The following ANXA4 variants were observed in gnomAD, a reference collection of about 807,000 sequenced individuals.
ANXA4 encodes the protein 35-beta calcimedin.
Under a neutral mutation model 49.8 loss-of-function variants are expected in ANXA4, and 39 were observed. That is an observed-to-expected ratio of 0.78 (90% CI 0.61 to 1.02). ANXA4 has a LOEUF of 1.02. Ranked by LOEUF, ANXA4 falls within the 50% of genes least tolerant of loss-of-function variation. ANXA4 has a pLI of 0.00. For synonymous variants in ANXA4, 134 were observed against 152.5 expected (o/e 0.88, Z 0.89); for missense variants, 360 against 410.1 (o/e 0.88, Z 1.05).
rs1290545352 is a variant in ANXA4, at chr2:69,757,475, A to T, written c.-47+15300A>T. On this transcript the variant is annotated intron_variant, in intron 1 of 12. Transcript: ENST00000394295. ...TTTTTAGTAGAGACAGGGTTTCACC[A>T]TGTTAGCCAAGATGGTCTCGATCTC... 5.7e-5 allele frequency among the ~76,000 whole-genome samples: 8 copies of T among 140,544 alleles called. 1 individual carries two copies. The highest frequency in any genetic ancestry group is 3.6e-4 in the Admixed American group (5 of 14,030). The allele number at this position is 140,544 out of a possible 152,430, so 92.2% of individuals were successfully genotyped here. A position where few individuals can be genotyped will look rare whatever the true frequency, so the allele number is the denominator to read the frequency against.
At chr2:69,746,959 C>T (rs570854740) in intron 1 of ANXA4, among the ~76,000 whole-genome samples, 21 of 152,206 alleles carry the variant, frequency 1.4e-4, no homozygotes, top group Admixed American at 7.9e-4. Flanking sequence ...AATTGCACTA[C>T]TACACTCCAG....
At chr2:69,674,946 G>A (rs1478667605) in intron 2 of ANXA4, among the ~76,000 whole-genome samples, 3 of 116,470 alleles carry the variant, frequency 2.6e-5, no homozygotes, top group Non-Finnish European at 5.0e-5. Flanking sequence ...TTTTTGAGAT[G>A]GAGTCTCGCT....
upstream of ANXA4, among the ~76,000 whole-genome samples, chr2:69,738,025 A>G (rs1670287432): frequency 6.6e-6 from 1 of 152,164 alleles, no homozygotes; most frequent in African/African-American, 2.4e-5. Context: ...AACAATGAAT[A>G]ATTTTTAGTA....
chr2:69,780,407 G>C (rs541944982), intron 1 of ANXA4, among the ~76,000 whole-genome samples: 1 of 152,190 alleles, frequency 6.6e-6, no homozygotes, highest in Admixed American at 6.5e-5. Flanking sequence ...TGTGGGCCAG[G>C]CTGGTCTCAA....
chr2:69,646,294 T>G (rs1676007277), intron 1 of ANXA4, among the ~76,000 whole-genome samples: 1 of 152,216 alleles, frequency 6.6e-6, no homozygotes, highest in South Asian at 2.1e-4. Flanking sequence ...CCATGCTGCT[T>G]TGCATTCCTG....
chr2:69,712,295 C>T (rs1049809194), intron 2 of ANXA4, among the ~76,000 whole-genome samples: 2 of 152,134 alleles, frequency 1.3e-5, no homozygotes, highest in African/African-American at 4.8e-5. Context: ...AAAATCTGGC[C>T]CCTGCCTTAA....
At chr2:69,646,985 C>T (rs1676029981) in intron 1 of ANXA4, among the ~76,000 whole-genome samples, 1 of 152,198 alleles carries the variant, frequency 6.6e-6, no homozygotes, top group African/African-American at 2.4e-5. Context: ...TCCTTTGCTT[C>T]ACCTAATTGT....
intron 3 of ANXA4, among the ~76,000 whole-genome samples, chr2:69,790,425 G>A (rs1011228733): frequency 1.6e-4 from 25 of 152,230 alleles, no homozygotes; most frequent in African/African-American, 4.8e-4. Context: ...ACCATCTGAA[G>A]CTTGATGGTT....
intron 3 of ANXA4, among the ~76,000 whole-genome samples, chr2:69,733,943 A>T (rs1670174135): frequency 6.6e-6 from 1 of 151,570 alleles, no homozygotes; most frequent in Non-Finnish European, 1.5e-5. Context: ...TTGTTCCAAT[A>T]TGGGATGAGC....
At chr2:69,749,997 G>GAA (rs969055221) in intron 1 of ANXA4, among the ~76,000 whole-genome samples, 1 of 152,018 alleles carries the variant, frequency 6.6e-6, no homozygotes, top group Non-Finnish European at 1.5e-5. Context: ...CTTCTAGGAG[G>GAA]ATACACAGGA....
At position 69,732,720 on chromosome 2, in the gene ANXA4, T is replaced by G. The variant is rs191851545; in HGVS notation, n.864+11849T>G. 2.0e-3 allele frequency among the ~76,000 whole-genome samples: 299 copies of G among 151,950 alleles called. 3 individuals carry two copies. In the South Asian group the frequency reaches 0.027, roughly 14 times the overall value. On this transcript the variant is annotated intron_variant and non_coding_transcript_variant, in intron 3 of 3. Coordinates refer to the ANXA4 transcript ENST00000418066. Reference sequence around the variant, plus strand: ...TTGCAGTGAGCTGAGATCGCACCATTGCACTCCAGCCTGGGCAATAAGAGC... The same window carrying G: ...TTGCAGTGAGCTGAGATCGCACCATGGCACTCCAGCCTGGGCAATAAGAGC...
At chr2:69,808,051 G>A in intron 6 of ANXA4, 55 bp downstream of exon 6, 1 of 1,511,912 alleles carries the variant, frequency 6.6e-7, no homozygotes, top group Non-Finnish European at 9.2e-7. Context: ...TAGAGAATGA[G>A]GGTAGCAGCG....
chr2:69,757,964 A>G (rs1671130546), intron 1 of ANXA4, among the ~76,000 whole-genome samples: 1 of 151,614 alleles, frequency 6.6e-6, no homozygotes, highest in Admixed American at 6.6e-5. Context: ...GTCTCAAAAA[A>G]AAAAAAAAAA....
At chr2:69,681,141 C>A (rs1677584551) in intron 2 of ANXA4, among the ~76,000 whole-genome samples, 1 of 152,014 alleles carries the variant, frequency 6.6e-6, no homozygotes, top group South Asian at 2.1e-4. Flanking sequence ...CTGGACTTTT[C>A]TTTGTTGAGA....
chr2:69,672,559 A>T (rs1447853724), intron 2 of ANXA4, among the ~76,000 whole-genome samples: 1 of 152,172 alleles, frequency 6.6e-6, no homozygotes, highest in Non-Finnish European at 1.5e-5. Context: ...AATATTATGT[A>T]TCTAATAAAT....
chr2:69,692,501 G>C (rs1678010154), intron 2 of ANXA4, among the ~76,000 whole-genome samples: 1 of 152,142 alleles, frequency 6.6e-6, no homozygotes, highest in Admixed American at 6.5e-5. Flanking sequence ...TTCCATAACA[G>C]TATATATATT....
intron 2 of ANXA4, among the ~76,000 whole-genome samples, chr2:69,667,157 G>A (rs1676968809): frequency 6.6e-6 from 1 of 152,016 alleles, no homozygotes; most frequent in Non-Finnish European, 1.5e-5. Flanking sequence ...TAAAGCTGAG[G>A]AGGCAGAGAG....
At chr2:69,656,074 A>G (rs1246199556) in intron 2 of ANXA4, among the ~76,000 whole-genome samples, 1 of 151,676 alleles carries the variant, frequency 6.6e-6, no homozygotes, top group African/African-American at 2.4e-5. Flanking sequence ...TACCTAATGT[A>G]GATGATGGGT....
intron 1 of ANXA4, among the ~76,000 whole-genome samples, chr2:69,645,517 T>C (rs1675974721): frequency 6.6e-6 from 1 of 152,258 alleles, no homozygotes; most frequent in Non-Finnish European, 1.5e-5. Context: ...TTGACTGACT[T>C]TTTTAAACAA....
Sources: gnomAD v4.1 joint callset for allele counts (sites outside exome capture counted in the v4.1 genomes callset) on GRCh38, gnomAD v4.1.1 for gene constraint, MANE v1.5 for transcripts, NCBI Gene and HGNC (gene_info 2026-07-23, HGNC 2026-07-21) for gene names.